Variants in SNTG1 observed in about 807,000 individuals in gnomAD.
SNTG1 encodes gamma-1-syntrophin.
In SNTG1, 39 loss-of-function variants were observed where a neutral mutation model predicts 74.7. That is an observed-to-expected ratio of 0.52 (90% CI 0.40 to 0.68). The LOEUF (loss-of-function observed/expected upper bound fraction) is 0.68. SNTG1 is among the 30% of genes least tolerant of loss of function. The pLI is 0.00. For synonymous variants in SNTG1, 254 were observed against 217.1 expected (o/e 1.17, Z -1.49); for missense variants, 685 against 609.5 (o/e 1.12, Z -1.30).
At chr8:50,450,870 AT>A (rs919212266) in intron 8 of SNTG1, 141 bp downstream of exon 8, 154 of 639,094 alleles carry the variant, frequency 2.4e-4, no homozygotes, top group Middle Eastern at 1.3e-3. Context: ...TGTTCTCTTA[AT>A]TTTTTTTTAA....
At chr8:50,763,681 TGTGTG>T in intron 18 of SNTG1, among the ~76,000 whole-genome samples, 1 of 147,832 alleles carries the variant, frequency 6.8e-6, no homozygotes, top group Admixed American at 6.8e-5. Context: ...TGTGTGTGTG[TGTGTG>T]TGTGTGGTTT....
intron 15 of SNTG1, among the ~76,000 whole-genome samples, chr8:50,667,906 T>C (rs1001561734): frequency 9.2e-5 from 14 of 152,066 alleles, no homozygotes; most frequent in Non-Finnish European, 1.9e-4. Context: ...TCTGAAAATA[T>C]GTTTTTAGTT....
At chr8:50,038,706 T>A (rs1818367488) in intron 1 of SNTG1, among the ~76,000 whole-genome samples, 1 of 152,084 alleles carries the variant, frequency 6.6e-6, no homozygotes, top group African/African-American at 2.4e-5. Flanking sequence ...GACACAAAAA[T>A]CCTAATGACC....
intron 2 of SNTG1, among the ~76,000 whole-genome samples, chr8:50,240,633 T>C (rs2086123671): frequency 6.6e-6 from 1 of 152,168 alleles, no homozygotes. Flanking sequence ...CAGAGGATCC[T>C]GGAGCTCAGT....
intron 8 of SNTG1, among the ~76,000 whole-genome samples, chr8:50,478,238 A>G (rs925684654): frequency 6.6e-5 from 10 of 152,210 alleles, no homozygotes; most frequent in Non-Finnish European, 1.3e-4. Context: ...GGATCAACAC[A>G]ATTTGGATTT....
At chr8:50,314,429 T>TA (rs939154443) in intron 2 of SNTG1, among the ~76,000 whole-genome samples, 4 of 149,708 alleles carry the variant, frequency 2.7e-5, no homozygotes, top group Non-Finnish European at 4.4e-5. Flanking sequence ...TCTTAGCCTT[T>TA]AAAAAAAGTC....
At chr8:50,529,035 A>G (rs757413194) in intron 9 of SNTG1, among the ~76,000 whole-genome samples, 2 of 151,850 alleles carry the variant, frequency 1.3e-5, no homozygotes, top group Non-Finnish European at 2.9e-5. Flanking sequence ...GTATTTAAAC[A>G]TTTAAATTTC....
intron 1 of SNTG1, among the ~76,000 whole-genome samples, chr8:50,078,840 G>C (rs1822140021): frequency 6.6e-6 from 1 of 152,152 alleles, no homozygotes; most frequent in Admixed American, 6.5e-5. Flanking sequence ...GTGTTAGTTT[G>C]CTAAGGATGA....
chr8:50,344,702 G>A (rs2091421103), intron 2 of SNTG1, among the ~76,000 whole-genome samples: 1 of 152,146 alleles, frequency 6.6e-6, no homozygotes, highest in Non-Finnish European at 1.5e-5. Context: ...AGATGCAGGT[G>A]TGGCCAAGGC....
chr8:49,957,113 A>G (rs1445908988), intron 1 of SNTG1, among the ~76,000 whole-genome samples: 2 of 152,224 alleles, frequency 1.3e-5, no homozygotes. Flanking sequence ...CAAAAGTAGC[A>G]TAGTCAGTAA....
chr8:49,928,779 T>A (rs181213915), intron 1 of SNTG1, among the ~76,000 whole-genome samples: 3 of 152,266 alleles, frequency 2.0e-5, no homozygotes, highest in Admixed American at 6.5e-5. Context: ...TAATATTTTT[T>A]AAATCAGAAA....
chr8:50,378,922 C>T (rs1357855147), intron 2 of SNTG1, among the ~76,000 whole-genome samples: 2 of 152,128 alleles, frequency 1.3e-5, no homozygotes, highest in Non-Finnish European at 2.9e-5. Context: ...AGCTCCCACT[C>T]TGGTCAGCAG....
At chr8:50,618,844 A>T (rs2094901840) in intron 13 of SNTG1, among the ~76,000 whole-genome samples, 1 of 151,970 alleles carries the variant, frequency 6.6e-6, no homozygotes, top group South Asian at 2.1e-4. Context: ...GGCCAGCAGG[A>T]AATGCATTTT....
In SNTG1 at chr8:50,536,734, A is replaced by G; in HGVS notation, c.606A>G (p.Arg202=). ...CTCCAGGCTTGAGGTGGGAGAAGCG[A>G]TGGTGCGACCTCAGACTGATCCCTC... ...PTSPGLRWEK[R]WCDLRLIPLL... is the part of the protein sequence containing the mutation. Residue 202 remains arginine (R), a synonymous_variant, in exon 11 of 19, where the codon CGA becomes CGG. Transcript: ENST00000642720. 1 of 1,613,980 alleles carries G rather than the reference A, an allele frequency of 6.2e-7. No individual in the cohort carries two copies. The highest frequency in any genetic ancestry group is 8.5e-7 in the Non-Finnish European group (1 of 1,179,874).
At chr8:50,018,389 A>G (rs1286142557) in intron 1 of SNTG1, among the ~76,000 whole-genome samples, 5 of 152,056 alleles carry the variant, frequency 3.3e-5, no homozygotes, top group Non-Finnish European at 7.4e-5. Flanking sequence ...AGATCATTCA[A>G]TGGAGAGGGA....
chr8:50,287,817 C>A (rs2130516341), intron 2 of SNTG1, among the ~76,000 whole-genome samples: 2 of 152,232 alleles, frequency 1.3e-5, no homozygotes, highest in Middle Eastern at 6.8e-3. Context: ...GACAACATTC[C>A]ATACCATGTT....
chr8:50,692,217 G>T (rs1563750108), intron 15 of SNTG1, among the ~76,000 whole-genome samples: 1 of 152,046 alleles, frequency 6.6e-6, no homozygotes, highest in East Asian at 1.9e-4. Context: ...GCTCGGAGTA[G>T]TTTGATCATT....
At chr8:50,604,958 G>A (rs944628284) in intron 13 of SNTG1, among the ~76,000 whole-genome samples, 2 of 152,124 alleles carry the variant, frequency 1.3e-5, no homozygotes, top group Admixed American at 1.3e-4. Flanking sequence ...TAGTCAGCAG[G>A]TGATGAATTG....
chr8:50,292,074 T>A (rs1198769438), intron 2 of SNTG1, among the ~76,000 whole-genome samples: 2 of 152,104 alleles, frequency 1.3e-5, no homozygotes, highest in East Asian at 3.9e-4. Flanking sequence ...TGGGTTTGAA[T>A]CTGGAATTCA....
Sources: allele counts gnomAD v4.1 joint callset (sites outside exome capture counted in the v4.1 genomes callset), GRCh38; gene constraint gnomAD v4.1.1; transcripts MANE v1.5; gene names NCBI Gene and HGNC (gene_info 2026-07-23, HGNC 2026-07-21).